The following WWOX variants were observed in gnomAD, a reference collection of about 807,000 sequenced individuals.
The protein encoded by WWOX is WW domain containing oxidoreductase.
Under a neutral mutation model 46.2 loss-of-function variants are expected in WWOX, and 69 were observed. The ratio of observed to expected loss-of-function variants is 1.49; its 90% CI spans 1.23 to 1.82. The LOEUF is 1.82. WWOX is among the 40% of genes most tolerant of loss of function. The probability of loss-of-function intolerance (pLI) is 0.00; values close to 1 mark genes in which losing one functional copy is unlikely to be tolerated. For missense variants in WWOX, 919 were observed against 542.6 expected (o/e 1.69, Z -6.89); for synonymous variants, 359 against 202.6 (o/e 1.77, Z -6.56).
At chr16:78,775,412 A>G (rs2050164366) in intron 8 of WWOX, among the ~76,000 whole-genome samples, 1 of 152,086 alleles carries the variant, frequency 6.6e-6, no homozygotes, top group South Asian at 2.1e-4. Context: ...TTTTACCCCA[A>G]AGTGATGTTC....
chr16:78,508,979 C>G (rs1489483658), intron 8 of WWOX, among the ~76,000 whole-genome samples: 1 of 152,208 alleles, frequency 6.6e-6, no homozygotes, highest in African/African-American at 2.4e-5. Flanking sequence ...CGAGATTTCG[C>G]CAGCAGGATC....
At position 78,813,408 on chromosome 16, in the gene WWOX, G is replaced by A. The variant is rs186965165; in HGVS notation, c.1056+380656G>A. ...AGATTAATAACATTTTTGTCAGGTG[G>A]TTACCAGAATGGAGGATACTTGAGC... On this transcript the variant is annotated intron_variant, in intron 8 of 8. Coordinates refer to ENST00000566780, the MANE Select transcript of WWOX (RefSeq NM_016373.4). 3.3e-4 allele frequency among the ~76,000 whole-genome samples: 50 copies of A among 152,124 alleles called. No individual in the cohort carries two copies. The East Asian group carries it at 9.1e-3, about 28-fold the overall frequency.
chr16:78,261,294 C>G (rs1379700486), intron 5 of WWOX, among the ~76,000 whole-genome samples: 1 of 150,610 alleles, frequency 6.6e-6, no homozygotes, highest in African/African-American at 2.5e-5. Context: ...TACATACATA[C>G]ATACATACAT....
intron 8 of WWOX, among the ~76,000 whole-genome samples, chr16:79,120,653 C>T (rs750271517): frequency 1.5e-3 from 224 of 152,298 alleles, no homozygotes; most frequent in Non-Finnish European, 2.7e-3. Flanking sequence ...TCGCCCTTCC[C>T]GGCTTCAGGT....
chr16:78,445,820 A>G (rs1166626702), intron 8 of WWOX, among the ~76,000 whole-genome samples: 1 of 147,126 alleles, frequency 6.8e-6, no homozygotes, highest in African/African-American at 2.5e-5. Flanking sequence ...GGAGGTTGCC[A>G]TGAGCAGAGA....
At position 78,517,855 on chromosome 16, in the gene WWOX, A is replaced by ATTTTTTTTTTTTTTTTTTT. The variant is rs11342538; in HGVS notation, c.1056+85109_1056+85127dup. On this transcript the variant is annotated intron_variant, in intron 8 of 8. Coordinates refer to ENST00000566780, the MANE Select transcript of WWOX (RefSeq NM_016373.4). ...AAAAAAGAATGATGTTACACAACCT[A>ATTTTTTTTTTTTTTTTTTT]TTTTTTTTTTTTTTTTTTTTTTTTA... Among the ~76,000 whole-genome samples, 7 of 86,394 alleles carry ATTTTTTTTTTTTTTTTTTT rather than the reference A, an allele frequency of 8.1e-5. 1 individual carries two copies. The highest frequency in any genetic ancestry group is 1.1e-4 in the Non-Finnish European group (5 of 44,016). The allele number at this position is 86,394 out of a possible 152,430, so 56.7% of individuals were successfully genotyped here.
intron 6 of WWOX, among the ~76,000 whole-genome samples, chr16:78,423,479 T>C (rs189395571): frequency 1.3e-5 from 2 of 152,276 alleles, no homozygotes; most frequent in East Asian, 3.9e-4. Context: ...GTATAGTTCT[T>C]ATTGGTACAG....
intron 8 of WWOX, among the ~76,000 whole-genome samples, chr16:78,835,207 T>A (rs80266417): frequency 0.013 from 1,992 of 152,308 alleles, 48 homozygotes; most frequent in African/African-American, 0.044. Flanking sequence ...ATAGTGGCCT[T>A]CTTACCACCT....
chr16:79,108,940 A>G (rs372919379), intron 8 of WWOX, among the ~76,000 whole-genome samples: 39 of 151,430 alleles, frequency 2.6e-4, no homozygotes, highest in Admixed American at 5.9e-4. Flanking sequence ...TTTAATCGCC[A>G]TAATCTTGTG....
chr16:78,708,370 CTG>C (rs1040746733), intron 8 of WWOX, among the ~76,000 whole-genome samples: 1 of 152,074 alleles, frequency 6.6e-6, no homozygotes, highest in African/African-American at 2.4e-5. Context: ...ACTCGGCATC[CTG>C]TGTTTTTATT....
intron 8 of WWOX, among the ~76,000 whole-genome samples, chr16:79,092,826 C>A (rs2048990814): frequency 6.6e-6 from 1 of 152,174 alleles, no homozygotes; most frequent in Non-Finnish European, 1.5e-5. Context: ...CATCCCGAGG[C>A]TGTCTCACTC....
At chr16:78,281,418 C>T (rs2079676346) in intron 5 of WWOX, among the ~76,000 whole-genome samples, 2 of 152,180 alleles carry the variant, frequency 1.3e-5, no homozygotes, top group Non-Finnish European at 2.9e-5. Flanking sequence ...TTTAGTAGAT[C>T]AGGAGTTTCC....
chr16:78,453,752 A>G (rs577639705), intron 8 of WWOX, among the ~76,000 whole-genome samples: 1 of 152,350 alleles, frequency 6.6e-6, no homozygotes, highest in South Asian at 2.1e-4. Context: ...CATTAAGTCA[A>G]TTAAATACTT....
intron 8 of WWOX, among the ~76,000 whole-genome samples, chr16:79,161,255 C>G (rs78449937): frequency 1.2e-4 from 18 of 152,274 alleles, no homozygotes; most frequent in Non-Finnish European, 1.9e-4. Flanking sequence ...CAAATCCTCC[C>G]TCTGTCTTTT....
At chr16:78,264,650 T>C (rs2079322502) in intron 5 of WWOX, 1 of 152,232 alleles carries the variant, frequency 6.6e-6, no homozygotes, top group Non-Finnish European at 1.5e-5. Flanking sequence ...CCACCCAATT[T>C]CTTGACTCAT....
chr16:78,508,971 A>G (rs2085288062), intron 8 of WWOX, among the ~76,000 whole-genome samples: 1 of 152,226 alleles, frequency 6.6e-6, no homozygotes, highest in African/African-American at 2.4e-5. Context: ...GCAAATAACG[A>G]GATTTCGCCA....
At chr16:78,515,237 AAAAC>A (rs1022071123) in intron 8 of WWOX, among the ~76,000 whole-genome samples, 6 of 152,332 alleles carry the variant, frequency 3.9e-5, no homozygotes, top group African/African-American at 7.2e-5. Context: ...AACAGAAAAT[AAAAC>A]AAACAAAAAA....
chr16:78,268,669 A>G (rs1044663476), intron 5 of WWOX, among the ~76,000 whole-genome samples: 8 of 152,202 alleles, frequency 5.3e-5, no homozygotes, highest in African/African-American at 1.4e-4. Context: ...ACAGAAAGAC[A>G]GATTGATCAG....
rs565585213 is a variant in WWOX at position 78,771,784 on chromosome 16, TA to T, written c.1056+339035del. On this transcript the variant is annotated intron_variant, in intron 8 of 8. Transcript: ENST00000566780. ...AAGACTCTGTCTCACAATAAATAAA[TA>T]AATAAATAAATAAATAAATAAATAA... Among the ~76,000 whole-genome samples, 3 of 148,560 alleles carry T rather than the reference TA, an allele frequency of 2.0e-5. No homozygotes were observed. The South Asian group carries it at 6.3e-4, about 31-fold the overall frequency.
Sources: allele counts gnomAD v4.1 joint callset (sites outside exome capture counted in the v4.1 genomes callset), GRCh38; gene constraint gnomAD v4.1.1; transcripts MANE v1.5; gene names NCBI Gene and HGNC (gene_info 2026-07-23, HGNC 2026-07-21).